Variants in TSPAN18 observed in about 807,000 individuals in gnomAD.
TSPAN18 encodes tetraspanin 18, also known as tetraspanin-18.
A neutral mutation model predicts 27.3 loss-of-function variants in TSPAN18; 14 were observed. That is an observed-to-expected ratio of 0.51 (90% CI 0.34 to 0.80). TSPAN18 has a LOEUF of 0.80. Among genes scored for constraint, TSPAN18 ranks in the 30% least tolerant of loss-of-function variants. The pLI, the probability that TSPAN18 is intolerant of heterozygous loss-of-function variation, is 0.01. For synonymous variants in TSPAN18, 143 were observed against 136.5 expected (o/e 1.05, Z -0.33); for missense variants, 268 against 323.9 (o/e 0.83, Z 1.32).
intron 3 of TSPAN18, among the ~76,000 whole-genome samples, chr11:44,901,887 G>A (rs988223229): frequency 2.6e-5 from 4 of 152,192 alleles, no homozygotes; most frequent in East Asian, 1.9e-4. Flanking sequence ...GGCATAGTAC[G>A]TCCTGCTTTA....
At chr11:44,790,512 CATGTGTTTTTG>C (rs1228750925) in intron 2 of TSPAN18, among the ~76,000 whole-genome samples, 1 of 134,614 alleles carries the variant, frequency 7.4e-6, no homozygotes, top group Admixed American at 7.8e-5. Context: ...TTTGTGTGTG[CATGTGTTTTTG>C]GTGTGTGCAT....
At chr11:44,825,923 CCCACTCTGTCCT>C (rs2135131604) in intron 2 of TSPAN18, among the ~76,000 whole-genome samples, 1 of 152,284 alleles carries the variant, frequency 6.6e-6, no homozygotes, top group African/African-American at 2.4e-5. Context: ...GGTGTGGGTC[CCCACTCTGTCCT>C]CTTTCTGACT....
chr11:44,909,637 TG>T, intron 4 of TSPAN18, 67 bp from the exon 5 acceptor site: 1 of 1,513,926 alleles, frequency 6.6e-7, no homozygotes, highest in Non-Finnish European at 8.9e-7. Context: ...AGGGGAGTGG[TG>T]GGTCAGAAGT....
At chr11:44,913,130 C>G (rs1178770686) in intron 5 of TSPAN18, among the ~76,000 whole-genome samples, 1 of 152,208 alleles carries the variant, frequency 6.6e-6, no homozygotes, top group Non-Finnish European at 1.5e-5. Flanking sequence ...TTCTAGAAGC[C>G]TTTCACTGCT....
chr11:44,740,863 G>T (rs1180570637), intron 1 of TSPAN18, among the ~76,000 whole-genome samples: 1 of 152,192 alleles, frequency 6.6e-6, no homozygotes, highest in Non-Finnish European at 1.5e-5. Context: ...TTGGCTCACT[G>T]CAACTTCTGC....
At chr11:44,884,560 G>A (rs1227437069) in intron 3 of TSPAN18, among the ~76,000 whole-genome samples, 1 of 152,212 alleles carries the variant, frequency 6.6e-6, no homozygotes, top group East Asian at 1.9e-4. Context: ...CCCACTCGGG[G>A]CTTTGGCTAA....
At chr11:44,811,739 G>A (rs1363777742) in intron 2 of TSPAN18, among the ~76,000 whole-genome samples, 1 of 152,222 alleles carries the variant, frequency 6.6e-6, no homozygotes, top group Non-Finnish European at 1.5e-5. Flanking sequence ...TGAGATTACA[G>A]GCATGAGCCA....
chr11:44,912,606 T>C (rs1590679193), intron 5 of TSPAN18, among the ~76,000 whole-genome samples: 1 of 152,134 alleles, frequency 6.6e-6, no homozygotes, highest in Non-Finnish European at 1.5e-5. Flanking sequence ...TTATGTCAGG[T>C]CCTGTGTATG....
At chr11:44,772,686 T>G (rs1855715077) in intron 2 of TSPAN18, among the ~76,000 whole-genome samples, 1 of 152,202 alleles carries the variant, frequency 6.6e-6, no homozygotes, top group Non-Finnish European at 1.5e-5. Flanking sequence ...TGAGATGGAA[T>G]TTTGCTATTG....
intron 3 of TSPAN18, among the ~76,000 whole-genome samples, chr11:44,868,132 C>T (rs1021968532): frequency 7.2e-5 from 11 of 152,064 alleles, no homozygotes; most frequent in African/African-American, 1.9e-4. Flanking sequence ...CGTGGATACC[C>T]GGGTCATGCA....
At chr11:44,775,360 G>A (rs112496579) in intron 2 of TSPAN18, among the ~76,000 whole-genome samples, 50 of 152,294 alleles carry the variant, frequency 3.3e-4, no homozygotes, top group African/African-American at 1.2e-3. Context: ...AGTCAATGCT[G>A]CTTTACTTAA....
chr11:44,752,404 C>G (rs1193361109), intron 1 of TSPAN18, among the ~76,000 whole-genome samples: 1 of 151,824 alleles, frequency 6.6e-6, no homozygotes, highest in Admixed American at 6.6e-5. Flanking sequence ...TTTTTTGACA[C>G]AGGGTCTCAC....
In TSPAN18 at chr11:44,919,300, G is replaced by C. The variant is rs150747267; in HGVS notation, c.420G>C (p.Ser140=). ...DTDVFSATWN[S]VMITFGCCGV... Reference sequence around the variant, plus strand: ...ACGTCTTCTCTGCCACCTGGAACTCGGTCATGATCACAGTGAGTGACGCCC... The same window carrying C: ...ACGTCTTCTCTGCCACCTGGAACTCCGTCATGATCACAGTGAGTGACGCCC... The change falls in exon 7 of 10, where the codon TCG becomes TCC. Residue 140 remains serine, a synonymous_variant. Coordinates refer to ENST00000520358, the MANE Select transcript of TSPAN18 (RefSeq NM_130783.5). The C allele has an allele frequency of 4.3e-4, 689 of 1,613,862 alleles. 3 individuals carry two copies. In the African/African-American group the frequency reaches 8.3e-3, roughly 19 times the overall value.
chr11:44,895,596 C>T (rs1859014212), intron 3 of TSPAN18, among the ~76,000 whole-genome samples: 2 of 152,220 alleles, frequency 1.3e-5, no homozygotes, highest in African/African-American at 2.4e-5. Context: ...GAAGTTAGTT[C>T]AGGGAAGTTG....
intron 3 of TSPAN18, among the ~76,000 whole-genome samples, chr11:44,882,577 C>CAGAG (rs748710490): frequency 3.1e-3 from 413 of 134,934 alleles, no homozygotes; most frequent in Non-Finnish European, 5.1e-3. Flanking sequence ...AGGAAATGGT[C>CAGAG]AGAGAGAGAG....
At chr11:44,799,316 C>G (rs533780253) in intron 2 of TSPAN18, among the ~76,000 whole-genome samples, 4 of 152,306 alleles carry the variant, frequency 2.6e-5, no homozygotes, top group Admixed American at 2.6e-4. Flanking sequence ...CCGCACCCCA[C>G]CCCAACTTCG....
chr11:44,812,361 T>C (rs1590514616), intron 2 of TSPAN18, among the ~76,000 whole-genome samples: 1 of 152,302 alleles, frequency 6.6e-6, no homozygotes, highest in African/African-American at 2.4e-5. Context: ...AGATCTGTGA[T>C]TGTTGTTACT....
At chr11:44,820,882 G>A (rs1856913418) in intron 2 of TSPAN18, among the ~76,000 whole-genome samples, 1 of 152,202 alleles carries the variant, frequency 6.6e-6, no homozygotes, top group Non-Finnish European at 1.5e-5. Flanking sequence ...TGACATGCCT[G>A]CTCCCCCTTC....
intron 1 of TSPAN18, among the ~76,000 whole-genome samples, chr11:44,728,364 A>G (rs550273879): frequency 2.0e-4 from 31 of 152,258 alleles, no homozygotes; most frequent in African/African-American, 6.3e-4. Flanking sequence ...TAACTTTTTG[A>G]CGGTTTTTGG....
Sources: gnomAD v4.1 joint callset for allele counts (sites outside exome capture counted in the v4.1 genomes callset) on GRCh38, gnomAD v4.1.1 for gene constraint, MANE v1.5 for transcripts, NCBI Gene and HGNC (gene_info 2026-07-23, HGNC 2026-07-21) for gene names.